The following UNC13C variants were observed in gnomAD, a reference collection of about 807,000 sequenced individuals.
UNC13C encodes the protein unc-13 homolog C, also known as protein unc-13 homolog C.
In UNC13C, 174 loss-of-function variants were observed where a neutral mutation model predicts 245.4. That is an observed-to-expected ratio of 0.71 (90% CI 0.63 to 0.80). UNC13C has a LOEUF of 0.80. Ranked by LOEUF, UNC13C falls within the 30% of genes least tolerant of loss-of-function variation. The probability of loss-of-function intolerance (pLI) is 0.00; values close to 1 mark genes in which losing one functional copy is unlikely to be tolerated. For missense variants in UNC13C, 2,829 were observed against 2,602.9 expected (o/e 1.09, Z -1.89); for synonymous variants, 992 against 895.1 (o/e 1.11, Z -1.93).
chr15:54,477,216 G>GA (rs1892798837), intron 19 of UNC13C, among the ~76,000 whole-genome samples: 1 of 114,628 alleles, frequency 8.7e-6, no homozygotes, highest in South Asian at 3.1e-4. Context: ...GGGCTGAGAC[G>GA]ATGGGGTTTT....
chr15:54,288,938 C>T (rs780751320), intron 10 of UNC13C, among the ~76,000 whole-genome samples: 3 of 152,104 alleles, frequency 2.0e-5, no homozygotes, highest in Non-Finnish European at 4.4e-5. Context: ...GAGAATGCAA[C>T]ACCTTTAATT....
intron 18 of UNC13C, among the ~76,000 whole-genome samples, chr15:54,400,758 T>A (rs939580852): frequency 1.3e-5 from 2 of 152,170 alleles, no homozygotes; most frequent in Non-Finnish European, 2.9e-5. Context: ...GTTTTTATAT[T>A]TTTTTATTAT....
intron 19 of UNC13C, among the ~76,000 whole-genome samples, chr15:54,424,601 C>T (rs576434664): frequency 2.4e-4 from 36 of 151,944 alleles, no homozygotes; most frequent in Middle Eastern, 6.8e-3. Context: ...AGATAACATT[C>T]ACATGTGTGT....
chr15:54,567,347 C>T (rs983755134), intron 29 of UNC13C, among the ~76,000 whole-genome samples: 1 of 152,144 alleles, frequency 6.6e-6, no homozygotes, highest in African/African-American at 2.4e-5. Flanking sequence ...GATGGAGTGG[C>T]AGACACCTGA....
At chr15:54,282,346 C>T (rs547420007) in intron 10 of UNC13C, among the ~76,000 whole-genome samples, 36 of 152,140 alleles carry the variant, frequency 2.4e-4, no homozygotes, top group South Asian at 4.1e-4. Context: ...TCAGCCCCTT[C>T]GCCAGACTTG....
chr15:54,184,484 A>T (rs1349717745), intron 4 of UNC13C, among the ~76,000 whole-genome samples: 3 of 151,732 alleles, frequency 2.0e-5, no homozygotes, highest in East Asian at 1.9e-4. Flanking sequence ...GTTCTCTTCG[A>T]TCAATTCCCA....
chr15:53,971,917 T>C, the UNC13C span, among the ~76,000 whole-genome samples: 1 of 130,858 alleles, frequency 7.6e-6, no homozygotes. Flanking sequence ...AAAACATGAA[T>C]AGGTAACACT....
intron 30 of UNC13C, among the ~76,000 whole-genome samples, chr15:54,616,466 A>G (rs1900438966): frequency 6.6e-6 from 1 of 152,054 alleles, no homozygotes. Flanking sequence ...ATAATTATGT[A>G]CAGTTAGAAA....
At chr15:53,991,236 A>C (rs949469224) in intron 1 of UNC13C, among the ~76,000 whole-genome samples, 1 of 152,028 alleles carries the variant, frequency 6.6e-6, no homozygotes, top group African/African-American at 2.4e-5. Context: ...TTGTGATAGG[A>C]ATAGTAGAGG....
At chr15:54,286,656 C>T (rs950043175) in intron 10 of UNC13C, among the ~76,000 whole-genome samples, 1 of 152,024 alleles carries the variant, frequency 6.6e-6, no homozygotes, top group Non-Finnish European at 1.5e-5. Flanking sequence ...ATCTAGGAGA[C>T]TCTATATCTG....
intron 2 of UNC13C, among the ~76,000 whole-genome samples, chr15:54,111,685 A>T (rs1292571778): frequency 6.6e-6 from 1 of 152,200 alleles, no homozygotes; most frequent in Non-Finnish European, 1.5e-5. Context: ...GTTCATGGGA[A>T]TCAACAGGAG....
At chr15:54,587,014 CA>C (rs1898528109) in intron 30 of UNC13C, among the ~76,000 whole-genome samples, 1 of 152,206 alleles carries the variant, frequency 6.6e-6, no homozygotes, top group South Asian at 2.1e-4. Context: ...AACATTTAAT[CA>C]CCCCTAGATT....
intron 4 of UNC13C, among the ~76,000 whole-genome samples, chr15:54,211,442 G>A (rs114578755): frequency 0.015 from 2,238 of 151,942 alleles, 66 homozygotes; most frequent in African/African-American, 0.051. Flanking sequence ...TATTCAAGTA[G>A]GAAAAAAAAG....
In UNC13C at chr15:54,297,843, G is replaced by A. The variant is rs1478947926; in HGVS notation, c.4021G>A (p.Ala1341Thr). 6.2e-7 allele frequency: 1 copy of A among 1,610,454 alleles called. No individual in the cohort carries two copies. The highest frequency in any genetic ancestry group is 1.1e-5 in the South Asian group (1 of 89,888). The change falls in exon 12 of 33, where the codon GCC becomes ACC. Residue 1341 changes from alanine (A) to threonine (T), a missense_variant. Coordinates refer to ENST00000260323, the MANE Select transcript of UNC13C (RefSeq NM_001080534.3). Reference protein sequence around the residue: ...KRTDKSAVSGAIRLKINVEIK... With the variant: ...KRTDKSAVSGTIRLKINVEIK... ...GACAGATAAGTCAGCTGTATCTGGG[G>A]CCATACGATTGAAAATCAATGTGGA... is the stretch of plus-strand genomic sequence containing the variant.
At chr15:54,596,384 T>C (rs1899084799) in intron 30 of UNC13C, among the ~76,000 whole-genome samples, 1 of 152,190 alleles carries the variant, frequency 6.6e-6, no homozygotes, top group South Asian at 2.1e-4. Context: ...TTTTTACTTT[T>C]GTGGGATTTT....
At chr15:54,473,047 G>T (rs1457310259) in intron 19 of UNC13C, among the ~76,000 whole-genome samples, 3 of 151,610 alleles carry the variant, frequency 2.0e-5, no homozygotes, top group African/African-American at 4.8e-5. Context: ...CCCAGTGTCT[G>T]TTGTTGCCAT....
chr15:53,893,646 C>T, the UNC13C span, among the ~76,000 whole-genome samples: 43 of 152,318 alleles, frequency 2.8e-4, no homozygotes, highest in African/African-American at 9.9e-4. Flanking sequence ...TTTGTTTACA[C>T]TCTGAGGGTA....
intron 2 of UNC13C, among the ~76,000 whole-genome samples, chr15:54,135,536 A>G (rs950178094): frequency 6.6e-6 from 1 of 152,176 alleles, no homozygotes; most frequent in Non-Finnish European, 1.5e-5. Flanking sequence ...CATTTTTCCA[A>G]TACCATTTAT....
chr15:54,423,404 GT>G (rs959398992), intron 19 of UNC13C, among the ~76,000 whole-genome samples: 1 of 151,716 alleles, frequency 6.6e-6, no homozygotes, highest in African/African-American at 2.4e-5. Context: ...ATGTTGATAA[GT>G]TTGCCAGTAT....
Sources: gnomAD v4.1 joint callset for allele counts (sites outside exome capture counted in the v4.1 genomes callset) on GRCh38, gnomAD v4.1.1 for gene constraint, MANE v1.5 for transcripts, NCBI Gene and HGNC (gene_info 2026-07-23, HGNC 2026-07-21) for gene names.